MAPRE2: variants seen among roughly 807,000 people sequenced by gnomAD.
MAPRE2 encodes the protein microtubule associated protein RP/EB family member 2.
A neutral mutation model predicts 43.2 loss-of-function variants in MAPRE2; 13 were observed. The observed-to-expected ratio is 0.30, with a 90% CI of 0.20 to 0.48. The LOEUF is 0.48. MAPRE2 is among the 20% of genes least tolerant of loss of function. The pLI is 0.99. For missense variants in MAPRE2, 161 were observed against 400.2 expected (o/e 0.40, Z 5.10); for synonymous variants, 135 against 148.8 (o/e 0.91, Z 0.68).
At chr18:35,097,681 G>A in intron 3 of MAPRE2, 90 bp downstream of exon 3, 2 of 1,074,502 alleles carry the variant, frequency 1.9e-6, no homozygotes, top group Non-Finnish European at 2.7e-6. Flanking sequence ...ATACCAATGG[G>A]ATATATCTTG....
intron 1 of MAPRE2, among the ~76,000 whole-genome samples, chr18:35,050,740 G>T (rs954873724): frequency 2.6e-5 from 4 of 152,026 alleles, no homozygotes; most frequent in Non-Finnish European, 5.9e-5. Context: ...CTCCAACTCA[G>T]CCTAACCTCC....
intron 4 of MAPRE2, among the ~76,000 whole-genome samples, chr18:35,103,096 AT>A (rs1282747318): frequency 3.9e-5 from 6 of 152,156 alleles, no homozygotes; most frequent in Non-Finnish European, 7.3e-5. Flanking sequence ...TTATTTCTGG[AT>A]TTATGGCTGT....
chr18:35,075,391 A>G (rs1185633837), intron 2 of MAPRE2, among the ~76,000 whole-genome samples: 1 of 152,110 alleles, frequency 6.6e-6, no homozygotes, highest in Non-Finnish European at 1.5e-5. Flanking sequence ...ATCCACAGAG[A>G]CCTCTGTCAG....
At position 35,041,638 on chromosome 18, in the gene MAPRE2, A is replaced by G; in HGVS notation, c.99A>G (p.Thr33=). 1.9e-6 allele frequency: 3 copies of G among 1,614,174 alleles called. 1 individual carries two copies. The South Asian group carries it at 3.3e-5, about 18-fold the overall frequency. The change falls in exon 1 of 7, where the codon ACA becomes ACG. Residue 33 remains threonine, a synonymous_variant. Coordinates refer to ENST00000300249, the MANE Select transcript of MAPRE2 (RefSeq NM_014268.4). ...NGTIIPFRKH[T]VRGERSYSWG... ...CCATCATTCCTTTCCGGAAGCACAC[A>G]GTGCGCGGGGAGCGTTCCTACAGGT...
intron 1 of MAPRE2, among the ~76,000 whole-genome samples, chr18:34,997,886 T>C (rs1169877408): frequency 6.6e-6 from 1 of 152,208 alleles, no homozygotes; most frequent in Admixed American, 6.5e-5. Context: ...AAAATAATTT[T>C]GCAAAACTAA....
chr18:35,129,063 C>T (rs1337508351), intron 5 of MAPRE2, among the ~76,000 whole-genome samples: 6 of 152,182 alleles, frequency 3.9e-5, no homozygotes, highest in African/African-American at 1.4e-4. Flanking sequence ...AGGCCAGTGC[C>T]GCCTTCCTGT....
At chr18:35,060,356 T>C (rs1048503090) in intron 1 of MAPRE2, among the ~76,000 whole-genome samples, 1 of 152,108 alleles carries the variant, frequency 6.6e-6, no homozygotes, top group Non-Finnish European at 1.5e-5. Flanking sequence ...CCCTGTGGCA[T>C]GGGAATGAGC....
chr18:35,102,588 T>C (rs912270205), intron 4 of MAPRE2, among the ~76,000 whole-genome samples: 1 of 152,160 alleles, frequency 6.6e-6, no homozygotes, highest in Non-Finnish European at 1.5e-5. Context: ...TCAAAGGAAA[T>C]TCGTGAACTG....
At chr18:34,994,031 T>C (rs1463691677) in intron 1 of MAPRE2, among the ~76,000 whole-genome samples, 2 of 149,152 alleles carry the variant, frequency 1.3e-5, no homozygotes, top group African/African-American at 4.9e-5. Context: ...CCACTAGTAA[T>C]TGCAAAGTTT....
chr18:35,042,758 G>A (rs1458075016), intron 1 of MAPRE2, among the ~76,000 whole-genome samples: 1 of 152,142 alleles, frequency 6.6e-6, no homozygotes, highest in Admixed American at 6.5e-5. Context: ...CAGCTGATGA[G>A]CAACAGGAAA....
At chr18:35,002,425 C>T (rs569405115) in intron 1 of MAPRE2, among the ~76,000 whole-genome samples, 9 of 152,266 alleles carry the variant, frequency 5.9e-5, no homozygotes, top group Admixed American at 2.6e-4. Context: ...CTGGGGTATA[C>T]GCCAAAGTGA....
In MAPRE2 at chr18:35,004,634, T is replaced by C. The variant is rs557403407; in HGVS notation, c.-69-858T>C. Among the ~76,000 whole-genome samples the C allele has an allele frequency of 2.2e-4, 34 of 152,346 alleles. 4 individuals are homozygous for C. Among genetic ancestry groups the C allele is most frequent in the African/African-American group, 7.9e-4 (33 of 41,590 alleles). On this transcript the variant is annotated intron_variant, in intron 1 of 7. Coordinates refer to the MAPRE2 transcript ENST00000413393. ...AGGTAATTCATATAAAGAAAGTCAA[T>C]TGGCTGTGCACGGTGGCTTACGCCT...
At chr18:35,071,402 A>G (rs138621784) in intron 2 of MAPRE2, among the ~76,000 whole-genome samples, 1 of 152,302 alleles carries the variant, frequency 6.6e-6, no homozygotes, top group African/African-American at 2.4e-5. Context: ...AAAACAAAAA[A>G]TATGCTGCTA....
chr18:34,993,083 C>T (rs1290205174), intron 1 of MAPRE2, among the ~76,000 whole-genome samples: 1 of 152,082 alleles, frequency 6.6e-6, no homozygotes, highest in African/African-American at 2.4e-5. Flanking sequence ...TGCTACTGCA[C>T]AATTACTGGA....
intron 2 of MAPRE2, among the ~76,000 whole-genome samples, chr18:35,013,257 G>A (rs1475568265): frequency 6.6e-6 from 1 of 152,142 alleles, no homozygotes; most frequent in Non-Finnish European, 1.5e-5. Flanking sequence ...GAGACAGAAA[G>A]CAGGACCTGT....
chr18:35,022,369 T>C (rs181815262), intron 2 of MAPRE2, among the ~76,000 whole-genome samples: 373 of 149,196 alleles, frequency 2.5e-3, no homozygotes, highest in Non-Finnish European at 4.4e-3. Flanking sequence ...CTATGGTTTA[T>C]ACTTAGACCT....
chr18:35,002,395 A>G (rs2097029797), intron 1 of MAPRE2, among the ~76,000 whole-genome samples: 1 of 152,212 alleles, frequency 6.6e-6, no homozygotes, highest in Non-Finnish European at 1.5e-5. Context: ...TAAAACTGCT[A>G]TAAACAAATT....
intron 1 of MAPRE2, among the ~76,000 whole-genome samples, chr18:35,059,496 C>G (rs1906410079): frequency 6.6e-6 from 1 of 152,146 alleles, no homozygotes; most frequent in South Asian, 2.1e-4. Context: ...TACTGTGTGC[C>G]ACACACAGTT....
intron 4 of MAPRE2, among the ~76,000 whole-genome samples, chr18:35,122,604 C>T (rs1382763547): frequency 6.6e-6 from 1 of 152,220 alleles, no homozygotes; most frequent in Admixed American, 6.5e-5. Flanking sequence ...TTCCTTCACT[C>T]AGCCTGCACT....
Sources: gnomAD v4.1 joint callset for allele counts (sites outside exome capture counted in the v4.1 genomes callset) on GRCh38, gnomAD v4.1.1 for gene constraint, MANE v1.5 for transcripts, NCBI Gene and HGNC (gene_info 2026-07-23, HGNC 2026-07-21) for gene names.